The following GSK3B variants were observed in gnomAD, a reference collection of about 807,000 sequenced individuals.
GSK3B encodes glycogen synthase kinase-3 beta.
A neutral mutation model predicts 56.4 loss-of-function variants in GSK3B; 15 were observed. The ratio of observed to expected loss-of-function variants is 0.27; its 90% CI spans 0.18 to 0.41. The LOEUF (loss-of-function observed/expected upper bound fraction) is 0.41, where lower values mean the gene tolerates loss of function less well. Among genes scored for constraint, GSK3B ranks in the 10% least tolerant of loss-of-function variants. The probability of loss-of-function intolerance (pLI) is 1.00; values close to 1 mark genes in which losing one functional copy is unlikely to be tolerated. For synonymous variants in GSK3B, 181 were observed against 188.9 expected (o/e 0.96, Z 0.34); for missense variants, 300 against 513.4 (o/e 0.58, Z 4.02).
chr3:119,937,342 T>G (rs2107481248), intron 3 of GSK3B, among the ~76,000 whole-genome samples: 1 of 152,174 alleles, frequency 6.6e-6, no homozygotes, highest in Admixed American at 6.5e-5. Context: ...TCCCTCCCAC[T>G]ACAACTGGTT....
chr3:120,005,350 TCTTAAGGATATTCACCAGGAGAACTTCCC>T (rs1401116066), intron 1 of GSK3B, among the ~76,000 whole-genome samples: 1 of 152,154 alleles, frequency 6.6e-6, no homozygotes, highest in African/African-American at 2.4e-5. Context: ...TAGAAACCAC[TCTTAAGGATATTCACCAGGAGAACTTCCC>T]CAACATAGCA....
At position 119,825,939 on chromosome 3, in the gene GSK3B, C is replaced by T; in HGVS notation, c.*849G>A. 4.7e-6 allele frequency: 1 copy of T among 215,016 alleles called. No homozygotes were observed. Among genetic ancestry groups the T allele is most frequent in the East Asian group, 7.0e-5 (1 of 14,360 alleles). The allele number at this position is 215,016 out of a possible 1,614,324, so 13.3% of individuals were successfully genotyped here. A position where few individuals can be genotyped will look rare whatever the true frequency, so the allele number is the denominator to read the frequency against. ...CCTTTGACCTCAGCAGCTAGCTCAG[C>T]CTGCTCAACACCCCTTCCATCTCCT... is the stretch of plus-strand genomic sequence containing the variant. On this transcript the variant is annotated 3_prime_UTR_variant, in exon 11 of 11. Coordinates refer to ENST00000264235, the MANE Select transcript of GSK3B (RefSeq NM_001146156.2).
At chr3:119,844,014 G>C (rs1270350438) in intron 9 of GSK3B, among the ~76,000 whole-genome samples, 1 of 152,172 alleles carries the variant, frequency 6.6e-6, no homozygotes, top group Non-Finnish European at 1.5e-5. Flanking sequence ...TCAGGATTAA[G>C]AAACTCACTC....
At chr3:120,045,357 C>A (rs2058094592) in intron 1 of GSK3B, among the ~76,000 whole-genome samples, 1 of 152,112 alleles carries the variant, frequency 6.6e-6, no homozygotes, top group African/African-American at 2.4e-5. Flanking sequence ...TGTAAACAAC[C>A]TTCCCATCAG....
intron 2 of GSK3B, among the ~76,000 whole-genome samples, chr3:119,993,461 A>C (rs2057585644): frequency 2.0e-5 from 3 of 152,144 alleles, no homozygotes. Flanking sequence ...ATTAAAAAAA[A>C]AGAAAAACCC....
At chr3:119,895,499 T>C (rs781007310) in intron 7 of GSK3B, among the ~76,000 whole-genome samples, 2 of 152,302 alleles carry the variant, frequency 1.3e-5, no homozygotes, top group African/African-American at 2.4e-5. Flanking sequence ...AACCTCCATA[T>C]AGTTTTCCAT....
intron 8 of GSK3B, among the ~76,000 whole-genome samples, chr3:119,868,159 GAA>G (rs1311874969): frequency 6.6e-6 from 1 of 151,860 alleles, no homozygotes; most frequent in Non-Finnish European, 1.5e-5. Context: ...AAAGAAAAGA[GAA>G]AGGAAATACT....
At chr3:120,089,181 G>T (rs1475858331) in intron 1 of GSK3B, among the ~76,000 whole-genome samples, 1 of 152,174 alleles carries the variant, frequency 6.6e-6, no homozygotes, top group Non-Finnish European at 1.5e-5. Flanking sequence ...TTCCCAATCA[G>T]CCATAAGGTG....
intron 1 of GSK3B, among the ~76,000 whole-genome samples, chr3:120,018,722 T>C (rs1246763177): frequency 3.3e-5 from 5 of 152,186 alleles, no homozygotes; most frequent in Admixed American, 2.0e-4. Flanking sequence ...CATCTTCTAA[T>C]ATAAACTGCA....
intron 3 of GSK3B, among the ~76,000 whole-genome samples, chr3:119,935,625 T>G (rs1259539034): frequency 6.6e-6 from 1 of 152,118 alleles, no homozygotes; most frequent in Admixed American, 6.5e-5. Context: ...TCTGTACTCC[T>G]TGGCATACAT....
At chr3:120,073,382 A>AT (rs2058343721) in intron 1 of GSK3B, among the ~76,000 whole-genome samples, 1 of 152,138 alleles carries the variant, frequency 6.6e-6, no homozygotes, top group Non-Finnish European at 1.5e-5. Context: ...GCAAGACCCC[A>AT]TCTCAAAGAA....
intron 3 of GSK3B, among the ~76,000 whole-genome samples, chr3:119,937,379 C>T (rs2057006106): frequency 1.3e-5 from 2 of 152,038 alleles, no homozygotes; most frequent in Non-Finnish European, 1.5e-5. Flanking sequence ...CACCTCTCTG[C>T]TATCTGGCCA....
intron 2 of GSK3B, among the ~76,000 whole-genome samples, chr3:119,964,713 T>G (rs879937588): frequency 1.3e-5 from 2 of 152,192 alleles, no homozygotes; most frequent in African/African-American, 4.8e-5. Flanking sequence ...AGGTGAACTT[T>G]TGAAAATTTG....
chr3:119,958,465 C>T (rs541839007), intron 2 of GSK3B, among the ~76,000 whole-genome samples: 18 of 151,984 alleles, frequency 1.2e-4, no homozygotes, highest in Middle Eastern at 3.4e-3. Flanking sequence ...TCACTTGGGC[C>T]CAGGAGTTCA....
At chr3:119,892,652 T>G (rs9858471) in intron 7 of GSK3B, among the ~76,000 whole-genome samples, 2,811 of 152,238 alleles carry the variant, frequency 0.018, 94 homozygotes, top group African/African-American at 0.064. Flanking sequence ...GTTCACTAAA[T>G]TAACGCATGT....
At chr3:120,064,726 T>TG in intron 1 of GSK3B, among the ~76,000 whole-genome samples, 1 of 152,304 alleles carries the variant, frequency 6.6e-6, no homozygotes, top group East Asian at 1.9e-4. Context: ...AGAACGAAGT[T>TG]GGAGGACTTA....
chr3:119,843,832 C>T (rs1035245489), intron 9 of GSK3B, among the ~76,000 whole-genome samples: 2 of 152,098 alleles, frequency 1.3e-5, no homozygotes, highest in African/African-American at 4.8e-5. Context: ...TGTAGATAGA[C>T]ATCTACAGAA....
intron 1 of GSK3B, among the ~76,000 whole-genome samples, chr3:120,027,072 A>G (rs1438071334): frequency 1.3e-5 from 2 of 150,046 alleles, no homozygotes; most frequent in African/African-American, 4.9e-5. Context: ...CTTCCAAAAA[A>G]AAAAAAAAAG....
At chr3:120,011,429 G>A (rs1444136212) in intron 1 of GSK3B, among the ~76,000 whole-genome samples, 1 of 152,088 alleles carries the variant, frequency 6.6e-6, no homozygotes, top group Non-Finnish European at 1.5e-5. Context: ...ATCATAATTT[G>A]CAAATGGGAA....
Sources: gnomAD v4.1 joint callset for allele counts (sites outside exome capture counted in the v4.1 genomes callset) on GRCh38, gnomAD v4.1.1 for gene constraint, MANE v1.5 for transcripts, NCBI Gene and HGNC (gene_info 2026-07-23, HGNC 2026-07-21) for gene names.